Variants in KDM4C observed in about 807,000 individuals in gnomAD.
The protein encoded by KDM4C is lysine demethylase 4C.
A neutral mutation model predicts 129.3 loss-of-function variants in KDM4C; 81 were observed. The observed-to-expected ratio is 0.63, with a 90% CI of 0.52 to 0.75. The LOEUF is 0.75. Among genes scored for constraint, KDM4C ranks in the 30% least tolerant of loss-of-function variants. The probability of loss-of-function intolerance (pLI) is 0.00; values close to 1 mark genes in which losing one functional copy is unlikely to be tolerated. For missense variants in KDM4C, 1,457 were observed against 1,304.0 expected, an observed-to-expected ratio of 1.12 and a Z score of -1.81; for synonymous variants, 573 against 456.1, an observed-to-expected ratio of 1.26 and a Z score of -3.26.
chr9:6,899,765 T>C (rs778169617), intron 8 of KDM4C, among the ~76,000 whole-genome samples: 2 of 152,166 alleles, frequency 1.3e-5, no homozygotes, highest in Non-Finnish European at 2.9e-5. Context: ...TCAAACCAGT[T>C]GGTTAGTATA....
chr9:6,836,484 C>T (rs2129653716), intron 4 of KDM4C, among the ~76,000 whole-genome samples: 1 of 152,324 alleles, frequency 6.6e-6, no homozygotes, highest in Middle Eastern at 3.4e-3. Flanking sequence ...ACTCACCATG[C>T]AGTCAACAAC....
chr9:6,977,060 C>T (rs968521442), intron 8 of KDM4C, among the ~76,000 whole-genome samples: 1 of 152,124 alleles, frequency 6.6e-6, no homozygotes, highest in Non-Finnish European at 1.5e-5. Flanking sequence ...GTTTCCCAGG[C>T]TGGTCTAGAA....
chr9:6,807,089 T>C lies in KDM4C; in HGVS notation c.320+1315T>C, dbSNP rs201676823. 3.3e-5 allele frequency among the ~76,000 whole-genome samples: 5 copies of C among 152,020 alleles called. No individual in the cohort carries two copies. In the South Asian group the frequency reaches 8.3e-4, roughly 25 times the overall value. On this transcript the variant is annotated intron_variant, in intron 3 of 21. Coordinates refer to ENST00000381309, the MANE Select transcript of KDM4C (RefSeq NM_015061.6). ...GGTTTTGGTGGAGACGGGGTTTCGC[T>C]GTGTTGGCCGGGCCGGTCTCCAGCC...
intron 19 of KDM4C, among the ~76,000 whole-genome samples, chr9:7,149,211 G>A (rs1842498812): frequency 6.6e-6 from 1 of 152,268 alleles, no homozygotes; most frequent in South Asian, 2.1e-4. Flanking sequence ...ACAGTCTGGG[G>A]TCTGGTGTGT....
chr9:7,026,513 CT>C (rs1309109727), intron 15 of KDM4C, among the ~76,000 whole-genome samples: 1 of 151,864 alleles, frequency 6.6e-6, no homozygotes, highest in African/African-American at 2.4e-5. Context: ...TTTTAGGATC[CT>C]TTTTTTCCCC....
intron 4 of KDM4C, 55 bp from the exon 5 acceptor site, chr9:6,849,452 C>A: frequency 7.1e-7 from 1 of 1,411,454 alleles, no homozygotes; most frequent in Non-Finnish European, 9.5e-7. Flanking sequence ...TAAATGCTAT[C>A]TTTCATGGTT....
chr9:6,912,189 T>G (rs1300223300), intron 8 of KDM4C, among the ~76,000 whole-genome samples: 1 of 152,172 alleles, frequency 6.6e-6, no homozygotes, highest in Non-Finnish European at 1.5e-5. Context: ...TGCCCCTTCC[T>G]CCTTTCCTGC....
chr9:7,143,846 T>C (rs906791736), intron 19 of KDM4C, among the ~76,000 whole-genome samples: 2 of 152,226 alleles, frequency 1.3e-5, no homozygotes, highest in Non-Finnish European at 2.9e-5. Flanking sequence ...GTTGAAATGC[T>C]GGTAGTAATT....
intron 3 of KDM4C, among the ~76,000 whole-genome samples, chr9:6,807,968 C>A (rs1246990020): frequency 1.6e-5 from 2 of 125,972 alleles, no homozygotes; most frequent in South Asian, 2.5e-4. Flanking sequence ...GCCCGGCCAG[C>A]CGCCCCGTCC....
Position 6,761,705 on chromosome 9 carries a change from A to G in KDM4C, c.-18+3502A>G, listed in dbSNP as rs899706476. Among the ~76,000 whole-genome samples the G allele has an allele frequency of 3.3e-5, 5 of 152,310 alleles. No homozygotes were observed. In the South Asian group the frequency reaches 1.0e-3, roughly 32 times the overall value. On this transcript the variant is annotated intron_variant, in intron 1 of 21. Transcript: ENST00000381309. ...ACTTATTTGCTCTATATTTAGTGATAAGATAGGTACATTCTGTACTTTGAT... is the reference window on the plus strand; with the variant it reads ...ACTTATTTGCTCTATATTTAGTGATGAGATAGGTACATTCTGTACTTTGAT...
intron 17 of KDM4C, among the ~76,000 whole-genome samples, chr9:7,092,131 CT>C (rs940173784): frequency 6.6e-6 from 1 of 152,142 alleles, no homozygotes; most frequent in African/African-American, 2.4e-5. Context: ...TCTTCTTCTT[CT>C]TCATCCTTGA....
intron 18 of KDM4C, among the ~76,000 whole-genome samples, chr9:7,119,643 AAAAG>A (rs1472079301): frequency 1.3e-5 from 2 of 152,090 alleles, no homozygotes; most frequent in African/African-American, 2.4e-5. Flanking sequence ...AAGAAAAAAA[AAAAG>A]AAAGAAAAAC....
At chr9:6,864,835 C>G (rs527886940) in intron 5 of KDM4C, among the ~76,000 whole-genome samples, 12 of 150,070 alleles carry the variant, frequency 8.0e-5, no homozygotes, top group Non-Finnish European at 1.6e-4. Flanking sequence ...TTTTTTTTCT[C>G]CTGTGTCTAT....
At chr9:6,799,670 A>G (rs1828553113) in intron 2 of KDM4C, among the ~76,000 whole-genome samples, 1 of 149,836 alleles carries the variant, frequency 6.7e-6, no homozygotes, top group Admixed American at 6.6e-5. Flanking sequence ...TACAAAACAG[A>G]AAAACATTTA....
intron 19 of KDM4C, among the ~76,000 whole-genome samples, chr9:7,148,203 C>T (rs1261542996): frequency 6.6e-6 from 1 of 152,212 alleles, no homozygotes; most frequent in African/African-American, 2.4e-5. Context: ...CTTGGAGACG[C>T]CAGGAAGTGC....
In KDM4C at chr9:6,810,860, A is replaced by C. The variant is rs373971658; in HGVS notation, c.321-3771A>C. 3.3e-4 allele frequency among the ~76,000 whole-genome samples: 51 copies of C among 152,258 alleles called. 1 individual carries two copies. The East Asian group carries it at 5.0e-3, about 15-fold the overall frequency. On this transcript the variant is annotated intron_variant, in intron 3 of 21. Coordinates refer to ENST00000381309, the MANE Select transcript of KDM4C (RefSeq NM_015061.6). ...CCCCCGAGCCTGGGTGACAAGAGCA[A>C]GACCCTGTCTCCAAAAAAATAAATA... is the stretch of plus-strand genomic sequence containing the variant.
chr9:6,925,821 T>C (rs985885570), intron 8 of KDM4C: 4 of 190,898 alleles, frequency 2.1e-5, no homozygotes, highest in African/African-American at 9.5e-5. Context: ...TAGCTTGATA[T>C]GATGTGGTAC....
Position 6,986,627 on chromosome 9 carries a change from G to A in KDM4C, c.1638G>A (p.Ala546=), listed in dbSNP as rs751308742. The A allele has an allele frequency of 1.1e-4, 179 of 1,613,040 alleles. No individual in the cohort carries two copies. Among genetic ancestry groups the A allele is most frequent in the Non-Finnish European group, 1.3e-4 (157 of 1,179,202 alleles). Residue 546 remains alanine, a synonymous_variant, in exon 11 of 22, where the codon GCG becomes GCA. Transcript: ENST00000381309. Reference sequence around the variant, plus strand: ...GCCTTGAACCTGGGGAAATCCCAGCGGTCCCCAGTGGAGAGAGAAATAGCT... The same window carrying A: ...GCCTTGAACCTGGGGAAATCCCAGCAGTCCCCAGTGGAGAGAGAAATAGCT... The part of the protein sequence containing the change: ...GNGLEPGEIP[A]VPSGERNSFK...
chr9:7,169,508 G>C (rs1266977751), intron 20 of KDM4C, among the ~76,000 whole-genome samples: 5 of 151,716 alleles, frequency 3.3e-5, no homozygotes, highest in African/African-American at 1.2e-4. Flanking sequence ...GCTAATTTTT[G>C]TATTTTTGTT....
Sources: gnomAD v4.1 joint callset for allele counts (sites outside exome capture counted in the v4.1 genomes callset) on GRCh38, gnomAD v4.1.1 for gene constraint, MANE v1.5 for transcripts, NCBI Gene and HGNC (gene_info 2026-07-23, HGNC 2026-07-21) for gene names.